The following IKZF2 variants were observed in gnomAD, a reference collection of about 807,000 sequenced individuals.
IKZF2 encodes zinc finger protein Helios.
A neutral mutation model predicts 49.2 loss-of-function variants in IKZF2; 15 were observed. The ratio of observed to expected loss-of-function variants is 0.30; its 90% CI spans 0.20 to 0.47. The LOEUF (loss-of-function observed/expected upper bound fraction) is 0.47, where lower values mean the gene tolerates loss of function less well. IKZF2 is among the 20% of genes least tolerant of loss of function. The probability of loss-of-function intolerance (pLI) is 1.00; values close to 1 mark genes in which losing one functional copy is unlikely to be tolerated. For synonymous variants in IKZF2, 227 were observed against 221.4 expected, an observed-to-expected ratio of 1.03 and a Z score of -0.23; for missense variants, 567 against 664.6, an observed-to-expected ratio of 0.85 and a Z score of 1.61.
intron 4 of IKZF2, 54 bp from the exon 5 acceptor site, chr2:213,057,153 C>A (rs1351483976): frequency 1.4e-6 from 2 of 1,453,822 alleles, no homozygotes; most frequent in African/African-American, 1.4e-5. Flanking sequence ...GTATTCTCAC[C>A]TACATCTCTT....
intron 4 of IKZF2, among the ~76,000 whole-genome samples, chr2:213,108,250 A>G (rs561440217): frequency 3.3e-5 from 5 of 152,178 alleles, no homozygotes; most frequent in Non-Finnish European, 7.3e-5. Context: ...TTGAGGAAAA[A>G]AAGTTTTTCT....
intron 4 of IKZF2, among the ~76,000 whole-genome samples, chr2:213,134,754 A>G (rs2060594235): frequency 6.6e-6 from 1 of 152,184 alleles, no homozygotes; most frequent in South Asian, 2.1e-4. Flanking sequence ...CACATTCCTC[A>G]TCACTTAAGC....
chr2:213,049,642 A>T, intron 6 of IKZF2, 71 bp downstream of exon 6: 1 of 1,158,938 alleles, frequency 8.6e-7, no homozygotes, highest in Non-Finnish European at 1.2e-6. Context: ...AAGCCATGTT[A>T]CTATCATTCA....
chr2:213,074,223 C>A (rs1434184393), intron 4 of IKZF2, among the ~76,000 whole-genome samples: 1 of 152,154 alleles, frequency 6.6e-6, no homozygotes. Flanking sequence ...AATCAACTAT[C>A]ACCTAACTAC....
At chr2:213,020,306 T>G (rs1697067484) in intron 7 of IKZF2, among the ~76,000 whole-genome samples, 1 of 152,202 alleles carries the variant, frequency 6.6e-6, no homozygotes, top group Non-Finnish European at 1.5e-5. Context: ...GAATAGCACA[T>G]TTACTGTTAT....
chr2:213,127,377 T>C (rs529896773), intron 4 of IKZF2, among the ~76,000 whole-genome samples: 1 of 152,298 alleles, frequency 6.6e-6, no homozygotes, highest in East Asian at 1.9e-4. Flanking sequence ...AACTACATAG[T>C]TCTCTTTCTA....
chr2:213,001,832 C>T lies in IKZF2; in HGVS notation c.*5528G>A, dbSNP rs1173274576. On this transcript the variant is annotated 3_prime_UTR_variant, in exon 9 of 9. Coordinates refer to ENST00000434687, the MANE Select transcript of IKZF2 (RefSeq NM_001387220.1). ...GGGAGTTATGTTCAAAATCAGAATG[C>T]TTGACTGTAAAAAATTTTTAAATCA... 1 of 151,632 alleles carries T rather than the reference C, an allele frequency of 6.6e-6. No homozygotes were observed. The allele number at this position is 151,632 out of a possible 1,614,324, so 9.4% of individuals were successfully genotyped here.
intron 4 of IKZF2, among the ~76,000 whole-genome samples, chr2:213,092,322 C>T (rs1186774646): frequency 6.6e-6 from 1 of 152,182 alleles, no homozygotes; most frequent in Non-Finnish European, 1.5e-5. Context: ...GCCACTGTGC[C>T]TGGCCTATAA....
At chr2:213,035,010 A>G (rs915277461) in intron 6 of IKZF2, among the ~76,000 whole-genome samples, 2 of 152,234 alleles carry the variant, frequency 1.3e-5, no homozygotes, top group Non-Finnish European at 2.9e-5. Context: ...TCAGAAGCAA[A>G]TAGCTTGCTC....
chr2:213,053,397 A>T (rs1700856890), intron 5 of IKZF2, among the ~76,000 whole-genome samples: 1 of 152,148 alleles, frequency 6.6e-6, no homozygotes, highest in South Asian at 2.1e-4. Context: ...TCAATATTTT[A>T]TGTACCTTCA....
intron 6 of IKZF2, among the ~76,000 whole-genome samples, chr2:213,027,393 G>A (rs183521958): frequency 5.9e-5 from 9 of 151,980 alleles, no homozygotes; most frequent in South Asian, 2.1e-4. Flanking sequence ...GTTAATAATC[G>A]TCTCACTTTT....
rs151159117 is a variant in IKZF2, at chr2:213,099,355, A to C, written c.140-42256T>G. On this transcript the variant is annotated intron_variant, in intron 4 of 8. Coordinates refer to ENST00000434687, the MANE Select transcript of IKZF2 (RefSeq NM_001387220.1). ...AAGAGTAGAGAGATGCCATTTAAAA[A>C]TCACATCTCATCTGCTTTTTTTGAA... Among the ~76,000 whole-genome samples the C allele has an allele frequency of 1.2e-3, 176 of 152,316 alleles. 1 individual carries two copies. The highest frequency in any genetic ancestry group is 4.1e-3 in the African/African-American group (169 of 41,568).
chr2:213,058,642 T>G (rs1279309251), intron 4 of IKZF2, among the ~76,000 whole-genome samples: 1 of 151,910 alleles, frequency 6.6e-6, no homozygotes, highest in Non-Finnish European at 1.5e-5. Context: ...ACTCCCTTAC[T>G]AGTTTTTAAA....
intron 4 of IKZF2, among the ~76,000 whole-genome samples, chr2:213,123,279 A>G (rs750516357): frequency 4.6e-5 from 7 of 152,182 alleles, no homozygotes; most frequent in Non-Finnish European, 8.8e-5. Flanking sequence ...ACATCTCCCT[A>G]TAGCCTTCTT....
rs750178209 is a variant in IKZF2 at position 213,057,071 on chromosome 2, A to T, written c.168T>A (p.Ser56Arg). Residue 56 changes from serine (S) to arginine (R), a missense_variant, in exon 5 of 9, where the codon AGT becomes AGA. By Grantham distance (110) the Ser-to-Arg change is moderately radical. Coordinates refer to ENST00000434687, the MANE Select transcript of IKZF2 (RefSeq NM_001387220.1). ...STNSVKLEMQSDEECDRKPLS... is the reference protein window; with the variant it reads ...STNSVKLEMQRDEECDRKPLS... ...GGGGTTTCCTGTCACACTCTTCATC[A>T]CTCTGCATTTCTAGCTTTACTGAAT... 1.9e-5 allele frequency: 31 copies of T among 1,612,786 alleles called. 1 individual carries two copies. The South Asian group carries it at 3.4e-4, about 18-fold the overall frequency.
chr2:213,130,027 G>C (rs1266872749), intron 4 of IKZF2, among the ~76,000 whole-genome samples: 2 of 152,156 alleles, frequency 1.3e-5, no homozygotes, highest in African/African-American at 4.8e-5. Flanking sequence ...AGATGAAGGT[G>C]AGTACCAGAT....
rs894121475 is a variant in IKZF2, at chr2:213,004,114, T to C, written c.*3246A>G. On this transcript the variant is annotated 3_prime_UTR_variant, in exon 9 of 9. Transcript: ENST00000434687. The stretch of plus-strand genomic sequence containing the variant: ...CTGTATGTTTTTGCAATACATCTGA[T>C]CACTCCAACTGCTTTTTTTTCCATG... 6.6e-6 allele frequency: 1 copy of C among 151,848 alleles called. No individual in the cohort carries two copies. Among genetic ancestry groups the C allele is most frequent in the African/African-American group, 2.4e-5 (1 of 41,422 alleles). The allele number at this position is 151,848 out of a possible 1,614,324, so 9.4% of individuals were successfully genotyped here. A position where few individuals can be genotyped will look rare whatever the true frequency, so the allele number is the denominator to read the frequency against.
chr2:213,053,700 G>T (rs1249433624), intron 5 of IKZF2, among the ~76,000 whole-genome samples: 2 of 152,172 alleles, frequency 1.3e-5, no homozygotes, highest in Non-Finnish European at 1.5e-5. Flanking sequence ...ATGTGTTCAT[G>T]CATGAATTGA....
intron 4 of IKZF2, among the ~76,000 whole-genome samples, chr2:213,105,002 G>A (rs1178498808): frequency 6.6e-6 from 1 of 152,058 alleles, no homozygotes; most frequent in Non-Finnish European, 1.5e-5. Context: ...CAACAACAAA[G>A]GTACTCCAGA....
Sources: gnomAD v4.1 joint callset for allele counts (sites outside exome capture counted in the v4.1 genomes callset) on GRCh38, gnomAD v4.1.1 for gene constraint, MANE v1.5 for transcripts, NCBI Gene and HGNC (gene_info 2026-07-23, HGNC 2026-07-21) for gene names.